The following PKD2 variants were observed in gnomAD, a reference collection of about 807,000 sequenced individuals.
PKD2 encodes the protein polycystin-2.
PKD2 carries 48 observed loss-of-function variants against 105.9 expected under a neutral mutation model. The ratio of observed to expected loss-of-function variants is 0.45; its 90% CI spans 0.36 to 0.58. The LOEUF (loss-of-function observed/expected upper bound fraction) is 0.58, where lower values mean the gene tolerates loss of function less well. Among genes scored for constraint, PKD2 ranks in the 20% least tolerant of loss-of-function variants. PKD2 has a pLI of 0.00. For synonymous variants in PKD2, 464 were observed against 481.1 expected, an observed-to-expected ratio of 0.96 and a Z score of 0.46; for missense variants, 1,078 against 1,255.3, an observed-to-expected ratio of 0.86 and a Z score of 2.13.
chr4:88,054,395 G>A (rs1475209039), intron 7 of PKD2, among the ~76,000 whole-genome samples: 13 of 142,556 alleles, frequency 9.1e-5, no homozygotes, highest in Middle Eastern at 7.5e-3. Flanking sequence ...GCAGCACTTC[G>A]TCTCAAAAAA....
chr4:88,024,955 A>G (rs1426627787), intron 2 of PKD2, among the ~76,000 whole-genome samples: 1 of 151,932 alleles, frequency 6.6e-6, no homozygotes, highest in Non-Finnish European at 1.5e-5. Flanking sequence ...CAAGATGGTG[A>G]AACCCCATCT....
intron 5 of PKD2, among the ~76,000 whole-genome samples, chr4:88,045,335 T>G (rs973954241): frequency 6.6e-6 from 1 of 152,120 alleles, no homozygotes. Context: ...TCACCCCTAC[T>G]CTCTAACACA....
chr4:88,068,663 A>C (rs1353904176), intron 13 of PKD2, among the ~76,000 whole-genome samples: 1 of 152,210 alleles, frequency 6.6e-6, no homozygotes, highest in African/African-American at 2.4e-5. Context: ...TTTATGGCCT[A>C]ACATATGGTT....
chr4:88,035,440 G>C (rs568858699), intron 2 of PKD2, among the ~76,000 whole-genome samples: 1 of 152,270 alleles, frequency 6.6e-6, no homozygotes, highest in Non-Finnish European at 1.5e-5. Context: ...AGATGTGGTG[G>C]GGTTAAGAGA....
intron 2 of PKD2, among the ~76,000 whole-genome samples, chr4:88,033,350 C>T (rs1370360196): frequency 6.6e-6 from 1 of 151,812 alleles, no homozygotes; most frequent in Non-Finnish European, 1.5e-5. Context: ...TCACATGAGC[C>T]CATGAGATTG....
intron 2 of PKD2, among the ~76,000 whole-genome samples, chr4:88,022,861 A>C (rs914533912): frequency 2.4e-4 from 37 of 152,152 alleles, no homozygotes; most frequent in African/African-American, 8.4e-4. Flanking sequence ...AGCAGGTGTA[A>C]TGGTGAGCCA....
intron 1 of PKD2, among the ~76,000 whole-genome samples, chr4:88,013,681 GAC>G (rs1316362614): frequency 6.6e-6 from 1 of 150,766 alleles, no homozygotes; most frequent in Non-Finnish European, 1.5e-5. Context: ...CAGCCTGGGT[GAC>G]ACAGTGAGAG....
At chr4:88,074,750 C>T in intron 13 of PKD2, 62 bp from the exon 14 acceptor site, 2 of 1,566,974 alleles carry the variant, frequency 1.3e-6, no homozygotes, top group Admixed American at 3.3e-5. Context: ...TTTTGAAAAG[C>T]CAGTGGGGCT....
chr4:88,046,952 G>A, intron 6 of PKD2, 82 bp downstream of exon 6: 1 of 839,520 alleles, frequency 1.2e-6, no homozygotes, highest in East Asian at 2.4e-5. Context: ...CAGCATTGTG[G>A]ATCTTGATAT....
In PKD2 at chr4:88,070,574, TTATATATA is replaced by T. The variant is rs57470805; in HGVS notation, c.2522+2534_2522+2541del. The stretch of plus-strand genomic sequence containing the variant: ...TTATTTATTTATTTATTTATTTATT[TTATATATA>T]TATATATATATATATATATAGAGAG... On this transcript the variant is annotated intron_variant, in intron 13 of 14. Coordinates refer to ENST00000237596, the MANE Select transcript of PKD2 (RefSeq NM_000297.4). 5.8e-3 allele frequency among the ~76,000 whole-genome samples: 658 copies of T among 113,900 alleles called. 7 individuals are homozygous for T. Among genetic ancestry groups the T allele is most frequent in the South Asian group, 0.032 (108 of 3,360 alleles). The allele number at this position is 113,900 out of a possible 152,430, so 74.7% of individuals were successfully genotyped here.
At chr4:88,061,828 C>G in intron 9 of PKD2, 78 bp from the exon 10 acceptor site, 1 of 765,762 alleles carries the variant, frequency 1.3e-6, no homozygotes, top group Non-Finnish European at 2.4e-6. Flanking sequence ...AACAAAAAGG[C>G]ATGTGTCATT....
intron 12 of PKD2, among the ~76,000 whole-genome samples, chr4:88,067,089 G>A (rs1297279967): frequency 6.6e-6 from 1 of 152,148 alleles, no homozygotes; most frequent in Non-Finnish European, 1.5e-5. Context: ...GGCGATCCAG[G>A]TTGAGCATCC....
At chr4:88,067,784 A>G (rs889624709) in intron 12 of PKD2, 114 bp from the exon 13 acceptor site, 3 of 889,016 alleles carry the variant, frequency 3.4e-6, no homozygotes, top group Non-Finnish European at 5.4e-6. Context: ...TGTTAAATAC[A>G]AAGAAATCCC....
intron 1 of PKD2, among the ~76,000 whole-genome samples, chr4:88,015,417 GTTAT>G (rs1307832725): frequency 2.6e-5 from 4 of 152,264 alleles, no homozygotes; most frequent in African/African-American, 4.8e-5. Context: ...AAAAGTTGTA[GTTAT>G]TTATTTATTT....
Position 88,045,185 on chromosome 4 carries a change from TG to T in PKD2, c.1320-1455del, listed in dbSNP as rs1187245496. Among the ~76,000 whole-genome samples the T allele has an allele frequency of 2.6e-5, 4 of 152,342 alleles. No homozygotes were observed. The East Asian group carries it at 7.7e-4, about 29-fold the overall frequency. On this transcript the variant is annotated intron_variant, in intron 5 of 14. Transcript: ENST00000237596. ...TACTGTTTTTCTAAGTTTCTGGAAG[TG>T]GTTGACTACTGCAGGGCCAGAATGG...
intron 3 of PKD2, 122 bp from the exon 4 acceptor site, chr4:88,038,129 C>CGA (rs1398901665): frequency 1.3e-5 from 14 of 1,050,590 alleles, no homozygotes; most frequent in Non-Finnish European, 2.0e-5. Flanking sequence ...CAACAAAACT[C>CGA]ATTCTTATCA....
At position 88,019,530 on chromosome 4, in the gene PKD2, A is replaced by C. The variant is rs750148270; in HGVS notation, c.668A>C (p.Glu223Ala). Residue 223 changes from glutamate to alanine, a missense_variant, in exon 2 of 15, where the codon GAA becomes GCA. This residue lies in a region of PKD2 where 868 missense variants were observed against 1,067.3 expected (regional missense o/e 0.81). Transcript: ENST00000237596. ...REKYLKSVLR[E>A]LVTYLLFLIV... is the part of the protein sequence containing the mutation. Reference sequence around the variant, plus strand: ...AAATACCTTAAAAGTGTTTTACGGGAACTGGTCACATACCTCCTTTTTCTC... The same window carrying C: ...AAATACCTTAAAAGTGTTTTACGGGCACTGGTCACATACCTCCTTTTTCTC... 6.2e-7 allele frequency: 1 copy of C among 1,602,582 alleles called. No homozygotes were observed. The highest frequency in any genetic ancestry group is 8.6e-7 in the Non-Finnish European group (1 of 1,169,454).
chr4:88,035,186 G>A (rs755543057), intron 2 of PKD2, among the ~76,000 whole-genome samples: 7 of 152,214 alleles, frequency 4.6e-5, no homozygotes, highest in Non-Finnish European at 7.3e-5. Flanking sequence ...GCATGGCCAG[G>A]AATCAGACCC....
At position 88,052,169 on chromosome 4, in the gene PKD2, A is replaced by G; in HGVS notation, c.1716+11A>G. On this transcript the variant is annotated intron_variant, in intron 7 of 14. Coordinates refer to ENST00000237596, the MANE Select transcript of PKD2 (RefSeq NM_000297.4). ...TTTGTCTGGATTAAGGTAATTTATA[A>G]ATTTCATGTTCTACATTTTAAATAA... 1 of 1,478,662 alleles carries G rather than the reference A, an allele frequency of 6.8e-7. No individual in the cohort carries two copies. Among genetic ancestry groups the G allele is most frequent in the Non-Finnish European group, 9.4e-7 (1 of 1,058,322 alleles). 91.6% of individuals were successfully genotyped at this position (1,478,662 alleles called of 1,614,324 possible).
Sources: gnomAD v4.1 joint callset for allele counts (sites outside exome capture counted in the v4.1 genomes callset) on GRCh38, gnomAD v4.1.1 for gene constraint, gnomAD v4.1.1 regional missense constraint, MANE v1.5 for transcripts, NCBI Gene and HGNC (gene_info 2026-07-23, HGNC 2026-07-21) for gene names.